DAB1: variants seen among roughly 807,000 people sequenced by gnomAD.
The protein encoded by DAB1 is DAB adaptor protein 1, also known as disabled homolog 1.
Under a neutral mutation model 64.6 loss-of-function variants are expected in DAB1, and 15 were observed. The observed-to-expected ratio is 0.23, with a 90% CI of 0.16 to 0.36. The LOEUF is 0.36. DAB1 is among the 10% of genes least tolerant of loss of function. The pLI, the probability that DAB1 is intolerant of heterozygous loss-of-function variation, is 1.00. For synonymous variants in DAB1, 235 were observed against 251.9 expected, an observed-to-expected ratio of 0.93 and a Z score of 0.64; for missense variants, 596 against 706.7, an observed-to-expected ratio of 0.84 and a Z score of 1.78.
intron 7 of DAB1, among the ~76,000 whole-genome samples, chr1:57,480,409 GTAT>G (rs1644001689): frequency 1.3e-5 from 2 of 151,936 alleles, no homozygotes; most frequent in African/African-American, 4.8e-5. Flanking sequence ...GACTTAAGTA[GTAT>G]TATTATTTTT....
chr1:57,448,327 G>C (rs573738748), intron 7 of DAB1, among the ~76,000 whole-genome samples: 2 of 152,202 alleles, frequency 1.3e-5, no homozygotes, highest in South Asian at 4.2e-4. Flanking sequence ...TTTGAAATTA[G>C]ATTTTGAATT....
intron 5 of DAB1, among the ~76,000 whole-genome samples, chr1:57,903,398 C>CTT (rs1644504708): frequency 1.3e-5 from 2 of 152,062 alleles, no homozygotes; most frequent in Admixed American, 1.3e-4. Flanking sequence ...ATGTAGGTTC[C>CTT]TTTTTGTGTT....
At chr1:58,071,344 A>G (rs911340425) in intron 5 of DAB1, among the ~76,000 whole-genome samples, 5 of 147,808 alleles carry the variant, frequency 3.4e-5, no homozygotes, top group African/African-American at 1.2e-4. Flanking sequence ...TAGGAACTCT[A>G]CCTCCATCAA....
chr1:57,857,978 G>A (rs574286999), intron 1 of DAB1, among the ~76,000 whole-genome samples: 4 of 150,922 alleles, frequency 2.7e-5, no homozygotes, highest in South Asian at 2.1e-4. Context: ...GCCTAGAGAG[G>A]GGAAGTGACT....
At chr1:58,368,441 G>T (rs1391519073) in intron 3 of DAB1, among the ~76,000 whole-genome samples, 1 of 152,202 alleles carries the variant, frequency 6.6e-6, no homozygotes, top group East Asian at 1.9e-4. Context: ...AAGGATAAAT[G>T]AAATGTAGAA....
intron 5 of DAB1, among the ~76,000 whole-genome samples, chr1:58,081,339 TTTTC>T (rs1649985032): frequency 6.6e-6 from 1 of 152,198 alleles, no homozygotes; most frequent in South Asian, 2.1e-4. Flanking sequence ...GCAATGAAGA[TTTTC>T]TTTGTTTTGT....
chr1:57,448,305 T>C (rs1380218324), intron 7 of DAB1, among the ~76,000 whole-genome samples: 1 of 152,210 alleles, frequency 6.6e-6, no homozygotes, highest in African/African-American at 2.4e-5. Flanking sequence ...CACACCCATT[T>C]ATGAAACATG....
chr1:57,627,755 T>C (rs1645940424), intron 7 of DAB1, among the ~76,000 whole-genome samples: 1 of 152,242 alleles, frequency 6.6e-6, no homozygotes, highest in South Asian at 2.1e-4. Flanking sequence ...CCATGCTGTT[T>C]GCATTTACTG....
In DAB1 at chr1:57,695,768, C is replaced by T. The variant is rs553679458; in HGVS notation, n.552-46103G>A. 1.2e-4 allele frequency among the ~76,000 whole-genome samples: 19 copies of T among 152,120 alleles called. No individual in the cohort carries two copies. In the South Asian group the frequency reaches 1.9e-3, roughly 15 times the overall value. ...TACAAAAATTAGTCAGGTGTGATGGCGAGCACCTGTAATCCCAGCTACTTG... is the reference window on the plus strand; with the variant it reads ...TACAAAAATTAGTCAGGTGTGATGGTGAGCACCTGTAATCCCAGCTACTTG... On this transcript the variant is annotated intron_variant and non_coding_transcript_variant, in intron 6 of 20. Coordinates refer to the DAB1 transcript ENST00000485760.
intron 7 of DAB1, among the ~76,000 whole-genome samples, chr1:57,550,740 T>G (rs754277024): frequency 5.9e-5 from 9 of 152,230 alleles, no homozygotes; most frequent in Non-Finnish European, 8.8e-5. Flanking sequence ...TTCTTAGTGC[T>G]TAACACAGAC....
intron 4 of DAB1, among the ~76,000 whole-genome samples, chr1:58,166,778 G>A (rs1214429685): frequency 6.7e-6 from 1 of 149,868 alleles, no homozygotes; most frequent in Non-Finnish European, 1.5e-5. Flanking sequence ...TTTGAGACAG[G>A]GTCTTGCTCT....
At chr1:58,097,887 GAC>G (rs769810144) in intron 5 of DAB1, among the ~76,000 whole-genome samples, 1 of 152,126 alleles carries the variant, frequency 6.6e-6, no homozygotes, top group Non-Finnish European at 1.5e-5. Context: ...GCCTGTTTGT[GAC>G]CCACCTAGGT....
chr1:58,134,918 T>C (rs752343231), intron 5 of DAB1, among the ~76,000 whole-genome samples: 4 of 152,044 alleles, frequency 2.6e-5, no homozygotes, highest in Admixed American at 6.5e-5. Context: ...AATGACAATC[T>C]ATCATTGAAT....
intron 5 of DAB1, among the ~76,000 whole-genome samples, chr1:57,934,124 A>C (rs745875894): frequency 1.1e-4 from 16 of 145,904 alleles, no homozygotes; most frequent in Admixed American, 2.8e-4. Context: ...ACGAGGTTTC[A>C]CCATGTTGGT....
chr1:58,441,957 C>A (rs2100269358), intron 3 of DAB1, among the ~76,000 whole-genome samples: 1 of 152,256 alleles, frequency 6.6e-6, no homozygotes, highest in South Asian at 2.1e-4. Flanking sequence ...GCGAGGGAGA[C>A]TGAGGGATGG....
At chr1:57,881,519 T>C (rs1423044337) in intron 1 of DAB1, among the ~76,000 whole-genome samples, 1 of 152,248 alleles carries the variant, frequency 6.6e-6, no homozygotes, top group African/African-American at 2.4e-5. Flanking sequence ...ACTTTTTGAA[T>C]CTTTGCTTCC....
chr1:57,188,666 C>T (rs1010106264), intron 2 of DAB1, among the ~76,000 whole-genome samples: 5 of 152,026 alleles, frequency 3.3e-5, no homozygotes, highest in African/African-American at 9.7e-5. Context: ...TGCTCTTTGC[C>T]ACTTTCTGGT....
At chr1:58,344,385 T>C (rs12748486) in intron 3 of DAB1, among the ~76,000 whole-genome samples, 25,963 of 151,954 alleles carry the variant, frequency 0.17, 2,274 homozygotes, top group Non-Finnish European at 0.18. Flanking sequence ...ATCACTTCAT[T>C]TTGAACTGTG....
At chr1:58,533,506 T>C (rs1646468674) in intron 1 of DAB1, among the ~76,000 whole-genome samples, 1 of 152,154 alleles carries the variant, frequency 6.6e-6, no homozygotes, top group Non-Finnish European at 1.5e-5. Context: ...TAATTACACA[T>C]GACACATCAT....
Sources: allele counts gnomAD v4.1 joint callset (sites outside exome capture counted in the v4.1 genomes callset), GRCh38; gene constraint gnomAD v4.1.1; transcripts MANE v1.5; gene names NCBI Gene and HGNC (gene_info 2026-07-23, HGNC 2026-07-21).